The following FAF1 variants were observed in gnomAD, a reference collection of about 807,000 sequenced individuals.
FAF1 encodes the protein Fas associated factor 1, also known as FAS-associated factor 1.
FAF1 carries 25 observed loss-of-function variants against 92.5 expected under a neutral mutation model. The ratio of observed to expected loss-of-function variants is 0.27; its 90% confidence interval spans 0.20 to 0.38. The LOEUF (loss-of-function observed/expected upper bound fraction) is 0.38. Among genes scored for constraint, FAF1 ranks in the 10% least tolerant of loss-of-function variants. The probability of loss-of-function intolerance (pLI) is 1.00; values close to 1 mark genes in which losing one functional copy is unlikely to be tolerated. For synonymous variants in FAF1, 234 were observed against 273.2 expected, an observed-to-expected ratio of 0.86 and a Z score of 1.42; for missense variants, 636 against 793.3, an observed-to-expected ratio of 0.80 and a Z score of 2.38.
intron 1 of FAF1, among the ~76,000 whole-genome samples, chr1:50,927,655 G>C (rs377665958): frequency 6.6e-6 from 1 of 152,276 alleles, no homozygotes; most frequent in East Asian, 1.9e-4. Context: ...GAAAGGTGAG[G>C]GGTAATTGAA....
At chr1:50,538,147 C>T (rs1427554156) in intron 14 of FAF1, among the ~76,000 whole-genome samples, 1 of 151,680 alleles carries the variant, frequency 6.6e-6, no homozygotes, top group Non-Finnish European at 1.5e-5. Flanking sequence ...TTGGCAACTA[C>T]CCAGGCTACA....
At chr1:50,867,504 A>G (rs1284427118) in intron 1 of FAF1, among the ~76,000 whole-genome samples, 2 of 152,178 alleles carry the variant, frequency 1.3e-5, no homozygotes, top group Non-Finnish European at 2.9e-5. Flanking sequence ...AAACAATCCT[A>G]TTAAAAACTG....
chr1:50,472,498 T>C (rs940754143), intron 18 of FAF1, among the ~76,000 whole-genome samples: 3 of 151,944 alleles, frequency 2.0e-5, no homozygotes, highest in Non-Finnish European at 4.4e-5. Context: ...TCTGCGGCTA[T>C]TTTGGTTGTC....
intron 9 of FAF1, among the ~76,000 whole-genome samples, chr1:50,593,808 C>T (rs188495108): frequency 3.3e-5 from 5 of 152,104 alleles, no homozygotes; most frequent in Admixed American, 3.3e-4. Flanking sequence ...TACATAACTC[C>T]ATTTCTCTTT....
intron 15 of FAF1, among the ~76,000 whole-genome samples, chr1:50,506,804 C>T (rs576334409): frequency 2.6e-5 from 4 of 152,148 alleles, no homozygotes; most frequent in African/African-American, 9.6e-5. Context: ...AAAGAAGTGA[C>T]CATATATACA....
At chr1:50,931,884 AAATAAATAATAAT>A (rs1290813144) in intron 1 of FAF1, among the ~76,000 whole-genome samples, 40 of 65,352 alleles carry the variant, frequency 6.1e-4, no homozygotes, top group East Asian at 5.1e-3. Flanking sequence ...AAAAATAAAT[AAATAAATAATAAT>A]AATAATAATA....
At chr1:50,532,803 T>A (rs2149036313) in intron 15 of FAF1, among the ~76,000 whole-genome samples, 2 of 152,200 alleles carry the variant, frequency 1.3e-5, no homozygotes, top group East Asian at 3.9e-4. Flanking sequence ...ATTTTAAAAT[T>A]TATCTTTTTG....
At chr1:50,910,793 G>C (rs1194382423) in intron 1 of FAF1, among the ~76,000 whole-genome samples, 1 of 151,950 alleles carries the variant, frequency 6.6e-6, no homozygotes, top group Non-Finnish European at 1.5e-5. Context: ...AGCTTCCCTT[G>C]GCTAGGAAAG....
intron 18 of FAF1, among the ~76,000 whole-genome samples, chr1:50,443,519 C>T (rs1646193250): frequency 6.6e-6 from 1 of 152,190 alleles, no homozygotes; most frequent in Non-Finnish European, 1.5e-5. Flanking sequence ...CACTTGTTTA[C>T]AGCCATATGG....
rs114361935 is a variant in FAF1, at chr1:50,583,934, T to G, written c.968-219A>C. On this transcript the variant is annotated intron_variant, in intron 10 of 18. Coordinates refer to ENST00000396153, the MANE Select transcript of FAF1 (RefSeq NM_007051.3). The surrounding 1 kb of genome is among the most constrained non-coding windows in gnomAD (Gnocchi z 4.2). The stretch of plus-strand genomic sequence containing the variant: ...AGAATCAAAAAGAACCTTAAAATAT[T>G]CCAAGCTCATAAATTTTGAAAAACC... Among the ~76,000 whole-genome samples the G allele has an allele frequency of 0.013, 1,985 of 152,126 alleles. 43 individuals carry two copies. Among genetic ancestry groups the G allele is most frequent in the African/African-American group, 0.044 (1,816 of 41,536 alleles).
chr1:50,559,752 T>C (rs1649780503), intron 13 of FAF1, among the ~76,000 whole-genome samples: 1 of 152,106 alleles, frequency 6.6e-6, no homozygotes, highest in Non-Finnish European at 1.5e-5. Context: ...CCTCACCTTC[T>C]CTCCTCCCTC....
intron 15 of FAF1, among the ~76,000 whole-genome samples, chr1:50,530,238 GGTGTGTGT>G (rs72220248): frequency 0.14 from 19,450 of 141,542 alleles, 1,305 homozygotes; most frequent in East Asian, 0.16. Flanking sequence ...TTTAAGAAGT[GGTGTGTGT>G]GTGTGTGTGT....
chr1:50,843,321 C>A (rs1644271427), intron 2 of FAF1, among the ~76,000 whole-genome samples: 1 of 152,096 alleles, frequency 6.6e-6, no homozygotes, highest in African/African-American at 2.4e-5. Context: ...TTGATACAAG[C>A]ATACAATGTA....
chr1:50,678,671 T>G (rs1201154335), intron 7 of FAF1, among the ~76,000 whole-genome samples: 1 of 143,838 alleles, frequency 7.0e-6, no homozygotes, highest in Non-Finnish European at 1.5e-5. Flanking sequence ...TCCCAGCTAC[T>G]CAGAAGGCTG....
At chr1:50,844,053 T>G (rs1313586979) in intron 2 of FAF1, among the ~76,000 whole-genome samples, 1 of 152,202 alleles carries the variant, frequency 6.6e-6, no homozygotes, top group African/African-American at 2.4e-5. Context: ...ATTTTCTGTC[T>G]TTTTTATAGT....
chr1:50,674,788 A>G (rs1347863500), intron 7 of FAF1, among the ~76,000 whole-genome samples: 2 of 152,216 alleles, frequency 1.3e-5, no homozygotes, highest in East Asian at 3.8e-4. Flanking sequence ...CTCATGCTTC[A>G]TACTCTATAT....
rs375892280 is a variant in FAF1 at position 50,819,638 on chromosome 1, TCACACA to T, written c.115-17967_115-17962del. ...AAGACTGACCGACTGACTGACTCAC[TCACACA>T]CACACACACACACACACACACACAC... is the stretch of plus-strand genomic sequence containing the variant. On this transcript the variant is annotated intron_variant, in intron 2 of 18. Coordinates refer to ENST00000396153, the MANE Select transcript of FAF1 (RefSeq NM_007051.3). Among the ~76,000 whole-genome samples, 627 of 97,816 alleles carry T rather than the reference TCACACA, an allele frequency of 6.4e-3. 14 individuals carry two copies. The highest frequency in any genetic ancestry group is 0.027 in the Middle Eastern group (5 of 186). 64.2% of individuals were successfully genotyped at this position (97,816 alleles called of 152,430 possible).
intron 17 of FAF1, among the ~76,000 whole-genome samples, chr1:50,477,632 A>G (rs1298948478): frequency 6.6e-6 from 1 of 152,210 alleles, no homozygotes; most frequent in East Asian, 1.9e-4. Flanking sequence ...ATATATTAGT[A>G]ACCCAGTGAA....
At chr1:50,846,721 T>C (rs746532870) in intron 2 of FAF1, 8 of 633,016 alleles carry the variant, frequency 1.3e-5, no homozygotes, top group African/African-American at 3.7e-5. Context: ...TCTCCAAACG[T>C]AGATGTGATT....
Sources: allele counts gnomAD v4.1 joint callset (sites outside exome capture counted in the v4.1 genomes callset), GRCh38; gene constraint gnomAD v4.1.1; non-coding constraint Gnocchi (gnomAD v3.1); transcripts MANE v1.5; gene names NCBI Gene and HGNC (gene_info 2026-07-23, HGNC 2026-07-21).